LARP4B: variants seen among roughly 807,000 people sequenced by gnomAD.
The protein encoded by LARP4B is La ribonucleoprotein 4B.
In LARP4B, 12 loss-of-function variants were observed where a neutral mutation model predicts 89.8. That is an observed-to-expected ratio of 0.13 (90% CI 0.09 to 0.22). The LOEUF is 0.22. LARP4B is among the 10% of genes least tolerant of loss of function. The probability of loss-of-function intolerance (pLI) is 1.00; values close to 1 mark genes in which losing one functional copy is unlikely to be tolerated. For missense variants in LARP4B, 757 were observed against 947.7 expected, an observed-to-expected ratio of 0.80 and a Z score of 2.64; for synonymous variants, 367 against 363.3, an observed-to-expected ratio of 1.01 and a Z score of -0.12.
intron 5 of LARP4B, among the ~76,000 whole-genome samples, chr10:856,264 T>C (rs1412085877): frequency 6.6e-6 from 1 of 151,996 alleles, no homozygotes; most frequent in East Asian, 1.9e-4. Context: ...TAAATAACTA[T>C]CAAAAGTGAG....
chr10:853,148 C>T (rs1323430245), intron 5 of LARP4B, among the ~76,000 whole-genome samples: 2 of 152,136 alleles, frequency 1.3e-5, no homozygotes. Context: ...CTATGAAAAA[C>T]AGAGTTGGAA....
chr10:833,218 TACACTA>T (rs1832998513), intron 8 of LARP4B, among the ~76,000 whole-genome samples: 3 of 89,288 alleles, frequency 3.4e-5, no homozygotes, highest in South Asian at 3.9e-4. Context: ...ACACATAAAA[TACACTA>T]ACACTAACGA....
intron 1 of LARP4B, among the ~76,000 whole-genome samples, chr10:911,707 G>T (rs1564443037): frequency 6.6e-6 from 1 of 152,198 alleles, no homozygotes; most frequent in Admixed American, 6.5e-5. Flanking sequence ...TCTGTTTTCA[G>T]TACGGAGTCT....
chr10:898,259 G>C (rs891621925), intron 1 of LARP4B, among the ~76,000 whole-genome samples: 2 of 152,162 alleles, frequency 1.3e-5, no homozygotes, highest in African/African-American at 4.8e-5. Context: ...AGTACATACA[G>C]AAACTACAAT....
upstream of LARP4B, chr10:931,809 CG>C (rs1404167363): frequency 6.6e-6 from 1 of 151,580 alleles, no homozygotes; most frequent in African/African-American, 2.4e-5. Flanking sequence ...CGCTCAGCCC[CG>C]GGAGAGCCTC....
chr10:944,201 T>C, the LARP4B span, among the ~76,000 whole-genome samples: 1 of 152,060 alleles, frequency 6.6e-6, no homozygotes, highest in Non-Finnish European at 1.5e-5. Flanking sequence ...GCTACCAACC[T>C]CCGAACAGTG....
chr10:848,156 A>C (rs1833871286), intron 5 of LARP4B, among the ~76,000 whole-genome samples: 1 of 152,116 alleles, frequency 6.6e-6, no homozygotes, highest in African/African-American at 2.4e-5. Flanking sequence ...CAGAGCCTGA[A>C]ATGGTTAACC....
intron 7 of LARP4B, among the ~76,000 whole-genome samples, chr10:840,838 T>C (rs1176951206): frequency 6.6e-6 from 1 of 152,132 alleles, no homozygotes; most frequent in Non-Finnish European, 1.5e-5. Flanking sequence ...CTCTGCTAGG[T>C]AATTTGGGCA....
intron 3 of LARP4B, among the ~76,000 whole-genome samples, chr10:866,487 G>T (rs932693337): frequency 2.0e-5 from 3 of 152,230 alleles, no homozygotes; most frequent in Non-Finnish European, 4.4e-5. Context: ...GCTACATGAG[G>T]GGGCAGGAGA....
intron 1 of LARP4B, among the ~76,000 whole-genome samples, chr10:929,611 A>G (rs1457479977): frequency 6.6e-6 from 1 of 152,168 alleles, no homozygotes; most frequent in Non-Finnish European, 1.5e-5. Flanking sequence ...GGGGGAAGAA[A>G]AAAATCAGTA....
chr10:842,436 T>C (rs1399631573), intron 7 of LARP4B, among the ~76,000 whole-genome samples: 1 of 152,024 alleles, frequency 6.6e-6, no homozygotes, highest in Non-Finnish European at 1.5e-5. Flanking sequence ...GACCTCATGA[T>C]CCGCCCAACT....
At chr10:956,406 C>T in the LARP4B span, among the ~76,000 whole-genome samples, 12 of 151,596 alleles carry the variant, frequency 7.9e-5, no homozygotes, top group Non-Finnish European at 1.3e-4. This position sits in a 1 kb window ranked among gnomAD's most constrained non-coding sequence, Gnocchi z 4.3. Flanking sequence ...AGTGCAGTGG[C>T]GCGATCTCGG....
At chr10:984,239 C>T in the LARP4B span, among the ~76,000 whole-genome samples, 4 of 152,094 alleles carry the variant, frequency 2.6e-5, no homozygotes, top group Non-Finnish European at 4.4e-5. Flanking sequence ...TTGCTTATCT[C>T]GAGTATCTTT....
intron 1 of LARP4B, among the ~76,000 whole-genome samples, chr10:923,072 T>G (rs1488395692): frequency 6.7e-6 from 1 of 148,550 alleles, no homozygotes; most frequent in Non-Finnish European, 1.5e-5. Flanking sequence ...AGACTCCACC[T>G]CAAAAAAAAA....
At chr10:981,429 C>T in the LARP4B span, among the ~76,000 whole-genome samples, 2 of 152,196 alleles carry the variant, frequency 1.3e-5, no homozygotes, top group African/African-American at 2.4e-5. Flanking sequence ...ACACCTTGCA[C>T]GAGGCCCCAC....
In LARP4B at chr10:820,729, A is replaced by C. The variant is rs1832308828; in HGVS notation, c.1530+71T>G. ...CTTGTGCCTTAACCTTAATCCATTT[A>C]ATTAAATCTCAGGTTTGGTATAAAT... On this transcript the variant is annotated intron_variant, in intron 14 of 17. Coordinates refer to ENST00000316157, the MANE Select transcript of LARP4B (RefSeq NM_015155.3). 20 of 1,332,606 alleles carry C rather than the reference A, an allele frequency of 1.5e-5. 1 individual carries two copies. The South Asian group carries it at 2.5e-4, about 17-fold the overall frequency. The allele number at this position is 1,332,606 out of a possible 1,614,324, so 82.5% of individuals were successfully genotyped here. A position where few individuals can be genotyped will look rare whatever the true frequency, so the allele number is the denominator to read the frequency against.
intron 3 of LARP4B, among the ~76,000 whole-genome samples, chr10:865,735 AAC>A (rs1834866807): frequency 1.3e-5 from 2 of 152,244 alleles, no homozygotes; most frequent in Non-Finnish European, 2.9e-5. Context: ...CAAATGTCCA[AAC>A]ACACAATCCT....
At chr10:839,289 C>T (rs1397680700) in intron 7 of LARP4B, among the ~76,000 whole-genome samples, 1 of 152,178 alleles carries the variant, frequency 6.6e-6, no homozygotes, top group African/African-American at 2.4e-5. Context: ...GTGTTGGTTT[C>T]ATCAATTATA....
chr10:872,630 T>C (rs745657379), intron 3 of LARP4B, among the ~76,000 whole-genome samples: 3 of 151,648 alleles, frequency 2.0e-5, no homozygotes, highest in Non-Finnish European at 4.4e-5. Flanking sequence ...TACTAAAGAG[T>C]TTTTACAAGT....
Sources: allele counts gnomAD v4.1 joint callset (sites outside exome capture counted in the v4.1 genomes callset), GRCh38; gene constraint gnomAD v4.1.1; non-coding constraint Gnocchi (gnomAD v3.1); transcripts MANE v1.5; gene names NCBI Gene and HGNC (gene_info 2026-07-23, HGNC 2026-07-21).